Variants in SEZ6 observed in about 807,000 individuals in gnomAD.
SEZ6 encodes seizure protein 6 homolog.
A neutral mutation model predicts 101.0 loss-of-function variants in SEZ6; 53 were observed. The ratio of observed to expected loss-of-function variants is 0.52; its 90% CI spans 0.42 to 0.66. The LOEUF is 0.66. Ranked by LOEUF, SEZ6 falls within the 30% of genes least tolerant of loss-of-function variation. The pLI, the probability that SEZ6 is intolerant of heterozygous loss-of-function variation, is 0.00. For missense variants in SEZ6, 1,102 were observed against 1,289.4 expected (o/e 0.85, Z 2.23); for synonymous variants, 488 against 512.2 (o/e 0.95, Z 0.64).
chr17:28,959,769 T>C lies in SEZ6; in HGVS notation c.1700A>G (p.Gln567Arg). The stretch of plus-strand genomic sequence containing the variant: ...AACACACTCGATGATGATGGAGCCC[T>C]GCTCCAGGGTGTAGCCAGGGTCGCA... ...FSCDPGYTLE[Q>R]GSIIIECVDP... The change falls in exon 8 of 17, where the codon CAG (glutamine) becomes CGG (arginine). Residue 567 changes from glutamine (Q) to arginine (R), a missense_variant. Physicochemically the swap from Gln to Arg is conservative, Grantham distance 43. This residue lies in a region of SEZ6 where 556 missense variants were observed against 735.1 expected (regional missense o/e 0.76). Transcript: ENST00000317338. The surrounding 1 kb of genome is among the most constrained non-coding windows in gnomAD (Gnocchi z 4.4). The C allele has an allele frequency of 5.0e-6, 8 of 1,613,482 alleles. No individual in the cohort carries two copies. The highest frequency in any genetic ancestry group is 6.8e-6 in the Non-Finnish European group (8 of 1,179,626).
chr17:29,004,872 C>T (rs1318497183), intron 1 of SEZ6, among the ~76,000 whole-genome samples: 1 of 152,154 alleles, frequency 6.6e-6, no homozygotes, highest in Non-Finnish European at 1.5e-5. Context: ...CTATCCTCTC[C>T]CCAACACTCC....
At chr17:28,986,516 T>C (rs1226708802) in intron 1 of SEZ6, among the ~76,000 whole-genome samples, 1 of 152,198 alleles carries the variant, frequency 6.6e-6, no homozygotes, top group Non-Finnish European at 1.5e-5. Flanking sequence ...CTCTGTCTTA[T>C]AGATGGGGAA....
At chr17:28,999,488 C>A (rs765017455) in intron 1 of SEZ6, among the ~76,000 whole-genome samples, 1 of 152,150 alleles carries the variant, frequency 6.6e-6, no homozygotes, top group Non-Finnish European at 1.5e-5. Context: ...ACCTGGAGAC[C>A]CGGATTGTTG....
At chr17:28,965,476 T>A (rs2041050637) in intron 4 of SEZ6, among the ~76,000 whole-genome samples, 1 of 152,050 alleles carries the variant, frequency 6.6e-6, no homozygotes, top group Non-Finnish European at 1.5e-5. Flanking sequence ...CCCATCTCTG[T>A]AAAAAATTTT....
chr17:28,990,785 GTAATAATAATA>G (rs1484897675), intron 1 of SEZ6, among the ~76,000 whole-genome samples: 1 of 151,524 alleles, frequency 6.6e-6, no homozygotes, highest in Non-Finnish European at 1.5e-5. Flanking sequence ...CCGAATAATA[GTAATAATAATA>G]TAATAATAAT....
Position 28,954,923 on chromosome 17 carries a change from TTTTTTTTC to T in SEZ6, c.*1031_*1038del. 6.7e-6 allele frequency: 1 copy of T among 150,250 alleles called. No homozygotes were observed. The allele number at this position is 150,250 out of a possible 1,614,324, so 9.3% of individuals were successfully genotyped here. ...CCATTGCTTTTTTTTTTTTTTTTTT[TTTTTTTTC>T]CAAAAACACCATTTTAATAAGGAAA... On this transcript the variant is annotated 3_prime_UTR_variant, in exon 17 of 17. Coordinates refer to ENST00000317338, the MANE Select transcript of SEZ6 (RefSeq NM_178860.5).
intron 4 of SEZ6, among the ~76,000 whole-genome samples, chr17:28,968,830 C>T (rs949984371): frequency 6.6e-6 from 1 of 152,188 alleles, no homozygotes; most frequent in African/African-American, 2.4e-5. Context: ...ATTAGTTCTC[C>T]CTAGTCTCAA....
intron 16 of SEZ6, 27 bp downstream of exon 16, chr17:28,956,132 G>A (rs779567790): frequency 1.2e-6 from 2 of 1,602,634 alleles, no homozygotes; most frequent in East Asian, 4.5e-5. Flanking sequence ...TCTTGGATAG[G>A]GTGGCAAGGC....
intron 1 of SEZ6, among the ~76,000 whole-genome samples, chr17:28,982,746 C>A (rs753871079): frequency 9.9e-5 from 15 of 152,100 alleles, no homozygotes; most frequent in Non-Finnish European, 2.1e-4. Context: ...CCTCAACCTC[C>A]CAGGTTCAAG....
chr17:28,956,334 G>T lies in SEZ6; in HGVS notation c.2849+16C>A. 1 of 1,574,538 alleles carries T rather than the reference G, an allele frequency of 6.4e-7. No homozygotes were observed. The highest frequency in any genetic ancestry group is 2.3e-5 in the East Asian group (1 of 43,286). ...GGTATGCAGGTATGCAGAGCAGAAA[G>T]AGAAGCCAGACTCACCTGGAGAAGT... On this transcript the variant is annotated intron_variant, in intron 15 of 16. Coordinates refer to ENST00000317338, the MANE Select transcript of SEZ6 (RefSeq NM_178860.5).
At position 28,969,786 on chromosome 17, in the gene SEZ6, C is replaced by T; in HGVS notation, c.1025G>A (p.Gly342Asp). The T allele has an allele frequency of 3.3e-6, 5 of 1,507,540 alleles. No individual in the cohort carries two copies. The highest frequency in any genetic ancestry group is 4.4e-6 in the Non-Finnish European group (5 of 1,137,686). The allele number at this position is 1,507,540 out of a possible 1,614,324, so 93.4% of individuals were successfully genotyped here. A position where few individuals can be genotyped will look rare whatever the true frequency, so the allele number is the denominator to read the frequency against. Residue 342 changes from glycine (G) to aspartate (D), a missense_variant, in exon 4 of 17, where the codon GGC (glycine) becomes GAC (aspartate). Physicochemically the swap from Gly to Asp is moderately conservative, Grantham distance 94 (BLOSUM62 -1). Coordinates refer to ENST00000317338, the MANE Select transcript of SEZ6 (RefSeq NM_178860.5). ...GTAATGGAAATGGAAGGTGCCAGGG[C>T]CAGCCGGTGGCGGGAGGCTCTGGAA... ...LRFQSLPPPA[G>D]PGTFHFHYQA... is the part of the protein sequence containing the mutation.
Position 28,956,217 on chromosome 17 carries a change from C to T in SEZ6, c.2894G>A (p.Arg965His), listed in dbSNP as rs996119903. 9.8e-6 allele frequency: 11 copies of T among 1,122,408 alleles called. No individual in the cohort carries two copies. The highest frequency in any genetic ancestry group is 2.7e-4 in the Middle Eastern group (1 of 3,640). The allele number at this position is 1,122,408 out of a possible 1,614,324, so 69.5% of individuals were successfully genotyped here. ...SSLQLPRPRPRPYNRITIESA... is the reference protein window; with the variant it reads ...SSLQLPRPRPHPYNRITIESA... ...CTCTATGGTAATGCGGTTGTAGGGG[C>T]GGGGGCGGGGGCGGGGCAGCTGCAG... Residue 965 changes from arginine to histidine, a missense_variant, in exon 16 of 17, where the codon CGC becomes CAC. By Grantham distance (29) the Arg-to-His change is conservative (BLOSUM62 0). This residue lies in a region of SEZ6 where 140 missense variants were observed against 135.7 expected (regional missense o/e 1.03). Transcript: ENST00000317338.
chr17:29,004,645 C>G (rs983569578), intron 1 of SEZ6, among the ~76,000 whole-genome samples: 3 of 152,178 alleles, frequency 2.0e-5, no homozygotes, highest in African/African-American at 7.2e-5. Flanking sequence ...CTGGAAAGAT[C>G]GAGCAGGGAG....
rs1243589169 is a variant in SEZ6 at position 28,959,850 on chromosome 17, C to G, written c.1619G>C (p.Gly540Ala). ...GGTGGGTGTGCTGCTGCTGAAGTTACCGTATTTGACAAAGGGCTCATAGCA... is the reference window on the plus strand; with the variant it reads ...GGTGGGTGTGCTGCTGCTGAAGTTAGCGTATTTGACAAAGGGCTCATAGCA... Reference protein sequence around the residue: ...GHCYEPFVKYGNFSSSTPTYP... With the variant: ...GHCYEPFVKYANFSSSTPTYP... Residue 540 changes from glycine to alanine, a missense_variant, in exon 8 of 17, where the codon GGT becomes GCT. Coordinates refer to ENST00000317338, the MANE Select transcript of SEZ6 (RefSeq NM_178860.5). This position sits in a 1 kb window ranked among gnomAD's most constrained non-coding sequence, Gnocchi z 4.4. The G allele has an allele frequency of 1.9e-6, 3 of 1,613,416 alleles. No individual in the cohort carries two copies. Among genetic ancestry groups the G allele is most frequent in the Non-Finnish European group, 2.5e-6 (3 of 1,179,668 alleles).
At chr17:28,970,932 T>C (rs1408881685) in intron 3 of SEZ6, among the ~76,000 whole-genome samples, 1 of 152,212 alleles carries the variant, frequency 6.6e-6, no homozygotes, top group African/African-American at 2.4e-5. Context: ...CTCTCTTTTT[T>C]CTGAGCCTCT....
intron 1 of SEZ6, among the ~76,000 whole-genome samples, chr17:29,001,940 A>G (rs575219358): frequency 5.9e-5 from 9 of 152,202 alleles, no homozygotes; most frequent in Non-Finnish European, 1.2e-4. Flanking sequence ...GGCAACTTCC[A>G]TTGAAGGCTC....
At chr17:28,961,396 T>A (rs1567984177) in intron 5 of SEZ6, among the ~76,000 whole-genome samples, 1 of 152,154 alleles carries the variant, frequency 6.6e-6, no homozygotes, top group Admixed American at 6.5e-5. Flanking sequence ...GCCACTTTCC[T>A]AAAATCAGTT....
chr17:28,981,888 G>A lies in SEZ6; in HGVS notation c.207C>T (p.His69=). 1.2e-6 allele frequency: 2 copies of A among 1,613,942 alleles called. No homozygotes were observed. The highest frequency in any genetic ancestry group is 3.3e-4 in the Middle Eastern group (2 of 6,062). Reference sequence around the variant, plus strand: ...GTAGGAATTCCTCAAGCAGCGGGTGGTGGTTGAGCAGCTTCAAGGTGGGGG... The same window carrying A: ...GTAGGAATTCCTCAAGCAGCGGGTGATGGTTGAGCAGCTTCAAGGTGGGGG... The part of the protein sequence containing the change: ...TTAPTLKLLN[H]HPLLEEFLQE... Residue 69 remains histidine, a synonymous_variant, in exon 2 of 17, where the codon CAC becomes CAT. Coordinates refer to ENST00000317338, the MANE Select transcript of SEZ6 (RefSeq NM_178860.5).
rs1301391099 is a variant in SEZ6 at position 29,005,829 on chromosome 17, G to A, written c.41C>T (p.Ala14Val). 4.0e-6 allele frequency: 6 copies of A among 1,485,562 alleles called. No homozygotes were observed. Among genetic ancestry groups the A allele is most frequent in the Middle Eastern group, 4.5e-4 (2 of 4,454 alleles). 92.0% of individuals were successfully genotyped at this position (1,485,562 alleles called of 1,614,324 possible). A position where few individuals can be genotyped will look rare whatever the true frequency, so the allele number is the denominator to read the frequency against. Residue 14 changes from alanine to valine, a missense_variant, in exon 1 of 17, where the codon GCG becomes GTG. Ala to Val is a moderately conservative substitution (Grantham distance 64). Coordinates refer to ENST00000317338, the MANE Select transcript of SEZ6 (RefSeq NM_178860.5). The surrounding 1 kb of genome is among the most constrained non-coding windows in gnomAD (Gnocchi z 4.8). ...VALLLLPSLL[A>V]LLAHGLSLEA... ...GGGTCCCTTACCGTGAGCCAGGAGC[G>A]CCAGCAGCGAGGGCAGGAGCAGCAG... is the stretch of plus-strand genomic sequence containing the variant.
Sources: allele counts gnomAD v4.1 joint callset (sites outside exome capture counted in the v4.1 genomes callset), GRCh38; gene constraint gnomAD v4.1.1; regional missense constraint gnomAD v4.1.1; non-coding constraint Gnocchi (gnomAD v3.1); transcripts MANE v1.5; gene names NCBI Gene and HGNC (gene_info 2026-07-23, HGNC 2026-07-21).